Variants in NFIA observed in about 807,000 individuals in gnomAD.
The protein encoded by NFIA is nuclear factor 1 A-type.
In NFIA, 8 loss-of-function variants were observed where a neutral mutation model predicts 62.8. The observed-to-expected ratio is 0.13, with a 90% confidence interval of 0.07 to 0.23. NFIA has a LOEUF of 0.23. Among genes scored for constraint, NFIA ranks in the 10% least tolerant of loss-of-function variants. The probability of loss-of-function intolerance (pLI) is 1.00; values close to 1 mark genes in which losing one functional copy is unlikely to be tolerated. For synonymous variants in NFIA, 235 were observed against 238.1 expected (o/e 0.99, Z 0.12); for missense variants, 410 against 642.1 (o/e 0.64, Z 3.91).
chr1:61,282,988 T>C, intron 3 of NFIA, among the ~76,000 whole-genome samples: 1 of 152,310 alleles, frequency 6.6e-6, no homozygotes, highest in Non-Finnish European at 1.5e-5. Context: ...TGGAAGCCCA[T>C]TAATCATGAT....
intron 2 of NFIA, among the ~76,000 whole-genome samples, chr1:61,261,447 A>T (rs1237381392): frequency 6.6e-6 from 1 of 152,224 alleles, no homozygotes; most frequent in African/African-American, 2.4e-5. Context: ...GATTTTGCCC[A>T]ACTGCAGGAT....
intron 10 of NFIA, among the ~76,000 whole-genome samples, chr1:61,445,151 G>T (rs1667752154): frequency 6.6e-6 from 1 of 152,156 alleles, no homozygotes; most frequent in Non-Finnish European, 1.5e-5. Flanking sequence ...AAATTAAATT[G>T]TCTGTGTTAG....
chr1:61,434,600 G>A (rs1374239620), intron 10 of NFIA, among the ~76,000 whole-genome samples: 3 of 152,124 alleles, frequency 2.0e-5, no homozygotes, highest in Non-Finnish European at 4.4e-5. Context: ...TCTAGATACT[G>A]GTCACCTTTT....
chr1:61,217,388 A>G (rs1244797028), intron 2 of NFIA, among the ~76,000 whole-genome samples: 2 of 152,094 alleles, frequency 1.3e-5, no homozygotes, highest in Non-Finnish European at 2.9e-5. Context: ...TTCAATAGCT[A>G]TATCTACTGT....
chr1:61,177,522 T>C (rs1650459228), intron 2 of NFIA, among the ~76,000 whole-genome samples: 1 of 152,214 alleles, frequency 6.6e-6, no homozygotes, highest in African/African-American at 2.4e-5. Context: ...GCTATTGTTA[T>C]CCCTATTCTA....
At chr1:61,285,825 G>A (rs916633075) in intron 3 of NFIA, among the ~76,000 whole-genome samples, 28 of 152,138 alleles carry the variant, frequency 1.8e-4, no homozygotes, top group African/African-American at 6.8e-4. Flanking sequence ...GAAATGTAAG[G>A]ATATTGTGGC....
chr1:61,208,995 G>A (rs949048900), intron 2 of NFIA, among the ~76,000 whole-genome samples: 5 of 152,118 alleles, frequency 3.3e-5, no homozygotes, highest in Non-Finnish European at 7.3e-5. Flanking sequence ...CCAGAGTAGA[G>A]GAGTCATTCC....
intron 2 of NFIA, among the ~76,000 whole-genome samples, chr1:61,252,668 A>T (rs1182188254): frequency 1.3e-5 from 2 of 152,236 alleles, no homozygotes; most frequent in African/African-American, 4.8e-5. Context: ...ATTATATAAG[A>T]AAGATGCTGT....
rs1183563359 is a variant in NFIA, at chr1:61,339,017, G to A, written c.700+6431G>A. Among the ~76,000 whole-genome samples, 4 of 152,154 alleles carry A rather than the reference G, an allele frequency of 2.6e-5. No homozygotes were observed. In the East Asian group the frequency reaches 7.7e-4, roughly 29 times the overall value. ...AGAATATAATAAAAAATAGATTGCA[G>A]CCCTAGCATGAACAGTTGCCGTGAC... On this transcript the variant is annotated intron_variant, in intron 4 of 10. Coordinates refer to ENST00000403491, the MANE Select transcript of NFIA (RefSeq NM_001134673.4).
At chr1:61,417,028 G>C (rs534523524) in intron 9 of NFIA, among the ~76,000 whole-genome samples, 1 of 152,004 alleles carries the variant, frequency 6.6e-6, no homozygotes, top group Non-Finnish European at 1.5e-5. Context: ...TACAAAGAAG[G>C]AATAGGAAAA....
chr1:61,149,692 T>C (rs902417329), intron 2 of NFIA, among the ~76,000 whole-genome samples: 6 of 152,200 alleles, frequency 3.9e-5, no homozygotes, highest in Non-Finnish European at 7.3e-5. Flanking sequence ...CTGTGTGACT[T>C]TGGGCAAGTA....
chr1:61,382,761 T>A (rs1474953551), intron 6 of NFIA, among the ~76,000 whole-genome samples: 3 of 152,230 alleles, frequency 2.0e-5, no homozygotes, highest in South Asian at 2.1e-4. Context: ...AATGAACAAC[T>A]AAGTTGCCAT....
chr1:61,426,803 C>G (rs1666891033), intron 10 of NFIA, among the ~76,000 whole-genome samples: 1 of 152,056 alleles, frequency 6.6e-6, no homozygotes, highest in African/African-American at 2.4e-5. Context: ...AAAGGTTTCC[C>G]AGTGTTAGCT....
intron 2 of NFIA, among the ~76,000 whole-genome samples, chr1:61,244,269 G>T (rs1329142244): frequency 1.3e-5 from 2 of 152,162 alleles, no homozygotes; most frequent in Non-Finnish European, 2.9e-5. Context: ...GCAAAAGGCT[G>T]GGGTCTCCTC....
chr1:61,176,098 G>T (rs1258603471), intron 2 of NFIA, among the ~76,000 whole-genome samples: 5 of 152,208 alleles, frequency 3.3e-5, no homozygotes, highest in Non-Finnish European at 5.9e-5. Context: ...GGGGAGAACA[G>T]GGTGTGTTCC....
chr1:61,310,703 T>A (rs991225265), intron 3 of NFIA, among the ~76,000 whole-genome samples: 1 of 150,974 alleles, frequency 6.6e-6, no homozygotes, highest in Non-Finnish European at 1.5e-5. Context: ...TTCTTTCTTT[T>A]CTCTTTTCCT....
Position 61,455,574 on chromosome 1 carries a change from G to A in NFIA, c.*254G>A, listed in dbSNP as rs1011676541. 20 of 552,660 alleles carry A rather than the reference G, an allele frequency of 3.6e-5. No homozygotes were observed. Among genetic ancestry groups the A allele is most frequent in the African/African-American group, 2.9e-4 (15 of 51,558 alleles). The allele number at this position is 552,660 out of a possible 1,614,324, so 34.2% of individuals were successfully genotyped here. A position where few individuals can be genotyped will look rare whatever the true frequency, so the allele number is the denominator to read the frequency against. The stretch of plus-strand genomic sequence containing the variant: ...AATTTCTCATATGGTGCTGGAAATG[G>A]TTGGGCTTTGTAACATTTGAAGTGT... On this transcript the variant is annotated 3_prime_UTR_variant, in exon 11 of 11. Coordinates refer to ENST00000403491, the MANE Select transcript of NFIA (RefSeq NM_001134673.4).
intron 3 of NFIA, among the ~76,000 whole-genome samples, chr1:61,306,269 CTT>C (rs774297484): frequency 3.8e-4 from 23 of 60,622 alleles, no homozygotes; most frequent in Non-Finnish European, 5.6e-4. Flanking sequence ...AGATTTTGTT[CTT>C]TTTTTTTTTT....
At chr1:61,133,691 T>G (rs1647123160) in intron 2 of NFIA, among the ~76,000 whole-genome samples, 1 of 152,184 alleles carries the variant, frequency 6.6e-6, no homozygotes, top group Non-Finnish European at 1.5e-5. Context: ...TGCTCCTCTG[T>G]TTTTTATAAA....
Sources: gnomAD v4.1 joint callset for allele counts (sites outside exome capture counted in the v4.1 genomes callset) on GRCh38, gnomAD v4.1.1 for gene constraint, MANE v1.5 for transcripts, NCBI Gene and HGNC (gene_info 2026-07-23, HGNC 2026-07-21) for gene names.